The following BAAT variants were observed in gnomAD, a reference collection of about 807,000 sequenced individuals.
BAAT encodes bile acid-CoA:amino acid N-acyltransferase.
A neutral mutation model predicts 18.9 loss-of-function variants in BAAT; 13 were observed. The observed-to-expected ratio is 0.69, with a 90% CI of 0.45 to 1.10. The LOEUF (loss-of-function observed/expected upper bound fraction) is 1.10. BAAT is among the 50% of genes least tolerant of loss of function. BAAT has a pLI of 0.00. For missense variants in BAAT, 489 were observed against 504.0 expected (o/e 0.97, Z 0.28); for synonymous variants, 170 against 190.7 (o/e 0.89, Z 0.89).
intron 1 of BAAT, among the ~76,000 whole-genome samples, chr9:101,379,134 G>T (rs1830092800): frequency 6.6e-6 from 1 of 152,166 alleles, no homozygotes; most frequent in Admixed American, 6.5e-5. Flanking sequence ...CTGTTGGTGG[G>T]AGTGTAAATT....
intron 1 of BAAT, among the ~76,000 whole-genome samples, chr9:101,380,898 A>G (rs1372293033): frequency 6.6e-6 from 1 of 151,856 alleles, no homozygotes; most frequent in East Asian, 1.9e-4. Flanking sequence ...GATTACAGGC[A>G]CCCACCACCA....
At chr9:101,375,476 T>C in intron 1 of BAAT, 1 of 172,160 alleles carries the variant, frequency 5.8e-6, no homozygotes, top group Non-Finnish European at 1.3e-5. Context: ...ATTGTAGGGT[T>C]CCACTTTAGG....
At chr9:101,381,047 G>A (rs1014263290) in intron 1 of BAAT, among the ~76,000 whole-genome samples, 11 of 151,858 alleles carry the variant, frequency 7.2e-5, no homozygotes, top group African/African-American at 1.5e-4. Flanking sequence ...ATGAGCCACC[G>A]CACCTGGCTG....
At position 101,374,056 on chromosome 9, in the gene BAAT, C is replaced by T. The variant is rs967313202; in HGVS notation, c.-59-2593G>A. 1.4e-4 allele frequency among the ~76,000 whole-genome samples: 22 copies of T among 152,190 alleles called. 1 individual carries two copies. Among genetic ancestry groups the T allele is most frequent in the Admixed American group, 3.9e-4 (6 of 15,288 alleles). On this transcript the variant is annotated intron_variant, in intron 1 of 3. Coordinates refer to ENST00000259407, the MANE Select transcript of BAAT (RefSeq NM_001701.4). ...TTTTCAAATAAAGTTTAGGACTTTA[C>T]GCCTATTAATTTTACTATCAAAATG...
rs995084476 is a variant in BAAT at position 101,371,129 on chromosome 9, C to T, written c.276G>A (p.Leu92=). The T allele has an allele frequency of 6.2e-7, 1 of 1,613,990 alleles. No individual in the cohort carries two copies. Among genetic ancestry groups the T allele is most frequent in the African/African-American group, 1.3e-5 (1 of 74,904 alleles). ...LKPEKLLTRL[L]KRDVMNRPFQ... is the part of the protein sequence containing the mutation. ...AAGGCCTATTCATCACATCTCTTTT[C>T]AACAGTCTTGTTAATAGCTTTTCAG... The change falls in exon 2 of 4, where the codon TTG becomes TTA. Residue 92 remains leucine, a synonymous_variant. Transcript: ENST00000259407.
chr9:101,362,865 T>C lies in BAAT; in HGVS notation c.820A>G (p.Ile274Val). The change falls in exon 4 of 4, where the codon ATC becomes GTC. Residue 274 changes from isoleucine (I) to valine (V), a missense_variant. Physicochemically the swap from Ile to Val is conservative, Grantham distance 29. Coordinates refer to ENST00000259407, the MANE Select transcript of BAAT (RefSeq NM_001701.4). ...GCAGAATGGGGAAGGGGCTGATGGA[T>C]CTGACCATGATATACCTGTGGAATG... ...FGIPQVYHGQ[I>V]HQPLPHSAQL... 1.9e-6 allele frequency: 3 copies of C among 1,614,130 alleles called. No homozygotes were observed. The East Asian group carries it at 6.7e-5, about 36-fold the overall frequency.
At chr9:101,365,599 C>T (rs1473024579) in intron 3 of BAAT, among the ~76,000 whole-genome samples, 1 of 151,932 alleles carries the variant, frequency 6.6e-6, no homozygotes, top group African/African-American at 2.4e-5. Flanking sequence ...TGTGGTGGCT[C>T]AATCTCGGCT....
chr9:101,368,881 T>C (rs1829878389), intron 2 of BAAT, among the ~76,000 whole-genome samples: 1 of 152,178 alleles, frequency 6.6e-6, no homozygotes. Flanking sequence ...AATACATGAT[T>C]CAAAAACATT....
chr9:101,368,349 C>T, intron 2 of BAAT, 27 bp from the exon 3 acceptor site: 1 of 1,599,626 alleles, frequency 6.3e-7, no homozygotes, highest in Non-Finnish European at 8.5e-7. Context: ...CAGAATTGTA[C>T]ATGAAGAGAA....
intron 1 of BAAT, among the ~76,000 whole-genome samples, chr9:101,374,838 T>C (rs1830012284): frequency 6.6e-6 from 1 of 151,964 alleles, no homozygotes; most frequent in Non-Finnish European, 1.5e-5. Flanking sequence ...ACCTGCTTTA[T>C]TTAAAAAAAA....
At chr9:101,380,055 A>C (rs1830108345) in intron 1 of BAAT, among the ~76,000 whole-genome samples, 1 of 152,152 alleles carries the variant, frequency 6.6e-6, no homozygotes, top group Non-Finnish European at 1.5e-5. Flanking sequence ...CCTTCCTCTA[A>C]ACTCAAAGAC....
chr9:101,377,981 C>T (rs376827452), intron 1 of BAAT, among the ~76,000 whole-genome samples: 6 of 152,054 alleles, frequency 3.9e-5, no homozygotes, highest in African/African-American at 7.2e-5. Flanking sequence ...AGAGCCAAAA[C>T]GTGAGTGAAC....
rs142285412 is a variant in BAAT, at chr9:101,367,474, C to T, written c.669+646G>A. Among the ~76,000 whole-genome samples, 368 of 150,650 alleles carry T rather than the reference C, an allele frequency of 2.4e-3. 1 individual carries two copies. The highest frequency in any genetic ancestry group is 3.6e-3 in the Non-Finnish European group (246 of 67,798). The stretch of plus-strand genomic sequence containing the variant: ...TTTGAGTGCTTAGTATTGCCAGGTT[C>T]TATGATAAGCATTTTGCATGCATTA... On this transcript the variant is annotated intron_variant, in intron 3 of 3. Transcript: ENST00000259407.
chr9:101,366,200 A>C (rs1829823985), intron 3 of BAAT, among the ~76,000 whole-genome samples: 2 of 152,130 alleles, frequency 1.3e-5, no homozygotes, highest in Admixed American at 1.3e-4. Flanking sequence ...ATGGGAACTC[A>C]GAGTGGATTT....
chr9:101,367,843 G>A (rs548012544), intron 3 of BAAT, among the ~76,000 whole-genome samples: 13 of 152,258 alleles, frequency 8.5e-5, no homozygotes, highest in South Asian at 4.2e-4. Flanking sequence ...TTCCAAGTAC[G>A]ATTCTCAGTG....
At chr9:101,373,188 C>T (rs1174015424) in intron 1 of BAAT, among the ~76,000 whole-genome samples, 1 of 152,038 alleles carries the variant, frequency 6.6e-6, no homozygotes, top group East Asian at 1.9e-4. Flanking sequence ...TAATTCTAAA[C>T]CAATCTAGAA....
Position 101,368,295 on chromosome 9 carries a change from TC to T in BAAT, c.493del (p.Asp165IlefsTer17). On this transcript the variant is annotated frameshift_variant, in exon 3 of 4. Transcript: ENST00000259407. LOFTEE classifies it high-confidence loss of function. ...CAGCCCACCCAAACCACCAAACAAATCAATTACCCCTGGGAAGAGACCCTCT... is the reference window on the plus strand; with the variant it reads ...CAGCCCACCCAAACCACCAAACAAATAATTACCCCTGGGAAGAGACCCTCT... ...PGEGLFPGVI[D>X]LFGGLGGLLE... 6.2e-7 allele frequency: 1 copy of T among 1,612,570 alleles called. No individual in the cohort carries two copies. Among genetic ancestry groups the T allele is most frequent in the Non-Finnish European group, 8.5e-7 (1 of 1,179,906 alleles).
At chr9:101,376,159 G>T in intron 1 of BAAT, 1 of 167,394 alleles carries the variant, frequency 6.0e-6, no homozygotes, top group South Asian at 1.6e-4. Flanking sequence ...TAGGTCCCTT[G>T]AGAACTGCAA....
intron 3 of BAAT, among the ~76,000 whole-genome samples, chr9:101,366,812 T>TA (rs1409433431): frequency 2.0e-5 from 3 of 151,654 alleles, no homozygotes; most frequent in Non-Finnish European, 2.9e-5. Context: ...GATCCTTATA[T>TA]AAAAAAACAT....
Sources: allele counts gnomAD v4.1 joint callset (sites outside exome capture counted in the v4.1 genomes callset), GRCh38; gene constraint gnomAD v4.1.1; transcripts MANE v1.5; gene names NCBI Gene and HGNC (gene_info 2026-07-23, HGNC 2026-07-21).